Variants in EBF3 observed in about 807,000 individuals in gnomAD.
EBF3 encodes transcription factor COE3.
EBF3 carries 18 observed loss-of-function variants against 77.1 expected under a neutral mutation model. That is an observed-to-expected ratio of 0.23 (90% confidence interval 0.16 to 0.35). The LOEUF (loss-of-function observed/expected upper bound fraction) is 0.35, where lower values mean the gene tolerates loss of function less well. Among genes scored for constraint, EBF3 ranks in the 10% least tolerant of loss-of-function variants. EBF3 has a pLI of 1.00. For missense variants in EBF3, 558 were observed against 860.0 expected (o/e 0.65, Z 4.39); for synonymous variants, 350 against 343.5 (o/e 1.02, Z -0.21).
rs955899024 is a variant in EBF3, at chr10:129,836,873, A to G, written c.*1070T>C. ...AAAATAAAGTCCCTTAGCAACTGCA[A>G]GTGTTCATGGGAAAGTAAGTGTCAA... On this transcript the variant is annotated 3_prime_UTR_variant, in exon 17 of 17. Coordinates refer to ENST00000440978, the MANE Select transcript of EBF3 (RefSeq NM_001375380.1). 2.0e-5 allele frequency: 3 copies of G among 152,680 alleles called. No individual in the cohort carries two copies. Among genetic ancestry groups the G allele is most frequent in the African/African-American group, 7.2e-5 (3 of 41,470 alleles). The allele number at this position is 152,680 out of a possible 1,614,324, so 9.5% of individuals were successfully genotyped here.
In EBF3 at chr10:129,840,230, C is replaced by A. The variant is rs1365020084; in HGVS notation, c.1759+15G>T. The A allele has an allele frequency of 6.5e-7, 1 of 1,549,532 alleles. No individual in the cohort carries two copies. On this transcript the variant is annotated intron_variant, in intron 15 of 16. Transcript: ENST00000440978. ...GAGGACCCAGCACTGGCCCACGGCC[C>A]CGCACCACCCTCACCTTGCAGTCCA...
chr10:129,849,358 C>A (rs1291854630), intron 10 of EBF3, among the ~76,000 whole-genome samples: 2 of 152,214 alleles, frequency 1.3e-5, no homozygotes, highest in African/African-American at 4.8e-5. Context: ...CTCCACGGTG[C>A]GTGGCACAAC....
Position 129,963,588 on chromosome 10 carries a change from C to T in EBF3, c.134+47G>A. The T allele has an allele frequency of 8.0e-7, 1 of 1,254,474 alleles. No individual in the cohort carries two copies. Among genetic ancestry groups the T allele is most frequent in the Non-Finnish European group, 1.0e-6 (1 of 992,532 alleles). 77.7% of individuals were successfully genotyped at this position (1,254,474 alleles called of 1,614,324 possible). ...GCGCCGGCCGGCGGAGGGGGCCGGG[C>T]CGGGCCGGGGCCGGGGCCAGGGCGC... On this transcript the variant is annotated intron_variant, in intron 1 of 16. Coordinates refer to ENST00000440978, the MANE Select transcript of EBF3 (RefSeq NM_001375380.1). This position sits in a 1 kb window ranked among gnomAD's most constrained non-coding sequence, Gnocchi z 7.1.
At chr10:129,919,730 G>C (rs1856136560) in intron 6 of EBF3, among the ~76,000 whole-genome samples, 2 of 152,134 alleles carry the variant, frequency 1.3e-5, no homozygotes, top group Non-Finnish European at 2.9e-5. Context: ...ACTGGACTGG[G>C]GTTTGATGGC....
intron 6 of EBF3, among the ~76,000 whole-genome samples, chr10:129,956,842 C>T (rs1011037988): frequency 2.6e-5 from 4 of 152,166 alleles, no homozygotes; most frequent in African/African-American, 9.7e-5. Context: ...TAACGCTGGG[C>T]AACAATTACA....
intron 6 of EBF3, among the ~76,000 whole-genome samples, chr10:129,951,158 C>T (rs1485787622): frequency 6.6e-6 from 1 of 152,204 alleles, no homozygotes; most frequent in African/African-American, 2.4e-5. Flanking sequence ...CTGCTTTCTT[C>T]GGCATCACGA....
At chr10:129,901,831 G>A (rs997425878) in intron 6 of EBF3, among the ~76,000 whole-genome samples, 15 of 152,194 alleles carry the variant, frequency 9.9e-5, no homozygotes, top group African/African-American at 1.4e-4. Flanking sequence ...GGGCTGCAAC[G>A]CACAGTTGGG....
chr10:129,928,180 A>C (rs1343448707), intron 6 of EBF3, among the ~76,000 whole-genome samples: 1 of 152,226 alleles, frequency 6.6e-6, no homozygotes, highest in Admixed American at 6.5e-5. Context: ...GTGTGAACAG[A>C]CGTGTGAAGC....
Position 129,962,164 on chromosome 10 carries a change from T to TTC in EBF3, c.411+5_411+6dup. ...GAAAACTCGTGCAGAGGCATAAACT[T>TTC]TCTCACCTGTTTGGTCATTGAATCT... On this transcript the variant is annotated splice_region_variant and intron_variant, in intron 4 of 16. Transcript: ENST00000440978. 6.2e-7 allele frequency: 1 copy of TTC among 1,614,124 alleles called. No individual in the cohort carries two copies.
intron 7 of EBF3, among the ~76,000 whole-genome samples, chr10:129,876,889 C>A (rs1286118087): frequency 4.9e-5 from 4 of 81,780 alleles, no homozygotes; most frequent in East Asian, 8.9e-4. Context: ...CCCTGAACCC[C>A]CCCCCCCCCC....
chr10:129,892,453 A>T (rs536384474), intron 6 of EBF3, among the ~76,000 whole-genome samples: 1 of 152,342 alleles, frequency 6.6e-6, no homozygotes, highest in African/African-American at 2.4e-5. Context: ...TTTTGGTGCC[A>T]CGGATGCCGG....
chr10:129,889,432 C>A (rs1409506323), intron 6 of EBF3, among the ~76,000 whole-genome samples: 2 of 152,250 alleles, frequency 1.3e-5, no homozygotes, highest in African/African-American at 2.4e-5. Flanking sequence ...TTGGGACAGA[C>A]CCCTCCTGCG....
At chr10:129,931,577 G>A (rs961985257) in intron 6 of EBF3, among the ~76,000 whole-genome samples, 23 of 152,252 alleles carry the variant, frequency 1.5e-4, no homozygotes, top group Non-Finnish European at 2.6e-4. Context: ...GACTGTGAGC[G>A]CCCTGAGGGC....
intron 6 of EBF3, among the ~76,000 whole-genome samples, chr10:129,925,359 T>C (rs1389315564): frequency 1.3e-5 from 2 of 151,820 alleles, no homozygotes; most frequent in Non-Finnish European, 2.9e-5. Flanking sequence ...CTTAGGACAA[T>C]GTGCGGTACA....
At chr10:129,849,656 G>C (rs1417272822) in intron 10 of EBF3, among the ~76,000 whole-genome samples, 1 of 152,164 alleles carries the variant, frequency 6.6e-6, no homozygotes, top group Non-Finnish European at 1.5e-5. Flanking sequence ...TCAATAATGC[G>C]CCCGAAAGTT....
At position 129,917,651 on chromosome 10, in the gene EBF3, C is replaced by CAAAAAAAAAAAAAAAAAAAAAAAAA. The variant is rs71481019; in HGVS notation, c.554+39582_554+39606dup. ...TGGGCACCACAGCAAGACCCTGCCT[C>CAAAAAAAAAAAAAAAAAAAAAAAAA]AAAAAAAAAAAAAAAAAAAAAAAAA... On this transcript the variant is annotated intron_variant, in intron 6 of 16. Coordinates refer to ENST00000440978, the MANE Select transcript of EBF3 (RefSeq NM_001375380.1). 1.1e-3 allele frequency among the ~76,000 whole-genome samples: 26 copies of CAAAAAAAAAAAAAAAAAAAAAAAAA among 23,592 alleles called. 3 individuals carry two copies. Among genetic ancestry groups the CAAAAAAAAAAAAAAAAAAAAAAAAA allele is most frequent in the African/African-American group, 1.7e-3 (9 of 5,336 alleles). 15.5% of individuals were successfully genotyped at this position (23,592 alleles called of 152,430 possible).
intron 6 of EBF3, among the ~76,000 whole-genome samples, chr10:129,894,661 T>C (rs1854247003): frequency 6.6e-6 from 1 of 152,240 alleles, no homozygotes. Flanking sequence ...GCAGCAGCCA[T>C]GGCTCTCCCA....
rs1454175895 is a variant in EBF3, at chr10:129,943,149, A to G, written c.554+14109T>C. On this transcript the variant is annotated intron_variant, in intron 6 of 16. Coordinates refer to ENST00000440978, the MANE Select transcript of EBF3 (RefSeq NM_001375380.1). This position sits in a 1 kb window ranked among gnomAD's most constrained non-coding sequence, Gnocchi z 8.8. ...AGCCAACAACTTCCTCCACATAAAC[A>G]AGGCCCGCCAGAGCCAGAGAGCTGC... Among the ~76,000 whole-genome samples the G allele has an allele frequency of 6.6e-6, 1 of 152,174 alleles. No individual in the cohort carries two copies. The highest frequency in any genetic ancestry group is 1.5e-5 in the Non-Finnish European group (1 of 68,020).
intron 6 of EBF3, among the ~76,000 whole-genome samples, chr10:129,889,185 A>G (rs964686523): frequency 1.3e-5 from 2 of 152,246 alleles, no homozygotes; most frequent in Non-Finnish European, 2.9e-5. Context: ...AGGTGAACAG[A>G]GCAGCATGTG....
Sources: allele counts gnomAD v4.1 joint callset (sites outside exome capture counted in the v4.1 genomes callset), GRCh38; gene constraint gnomAD v4.1.1; non-coding constraint Gnocchi (gnomAD v3.1); transcripts MANE v1.5; gene names NCBI Gene and HGNC (gene_info 2026-07-23, HGNC 2026-07-21).